Variants in PIWIL2 observed in about 807,000 individuals in gnomAD.
PIWIL2 encodes piwi like RNA-mediated gene silencing 2, also known as piwi-like protein 2.
A neutral mutation model predicts 116.5 loss-of-function variants in PIWIL2; 81 were observed. The observed-to-expected ratio is 0.70, with a 90% CI of 0.58 to 0.84. The LOEUF (loss-of-function observed/expected upper bound fraction) is 0.84, where lower values mean the gene tolerates loss of function less well. Ranked by LOEUF, PIWIL2 falls within the 40% of genes least tolerant of loss-of-function variation. The pLI is 0.00. For missense variants in PIWIL2, 1,272 were observed against 1,212.3 expected (o/e 1.05, Z -0.73); for synonymous variants, 489 against 429.5 (o/e 1.14, Z -1.71).
chr8:22,320,819 C>G (rs1831580813), intron 20 of PIWIL2, among the ~76,000 whole-genome samples: 2 of 151,432 alleles, frequency 1.3e-5, no homozygotes, highest in Admixed American at 6.6e-5. Flanking sequence ...TCTCAAACTC[C>G]TGACCTCAGG....
Position 22,279,574 on chromosome 8 carries a change from C to T in PIWIL2, c.188C>T (p.Pro63Leu), listed in dbSNP as rs1830454270. ...GAGGAACCAAGCACACAGAGGGGGCCAGCACAAAGGGTAAGACCACTTCCG... is the reference window on the plus strand; with the variant it reads ...GAGGAACCAAGCACACAGAGGGGGCTAGCACAAAGGGTAAGACCACTTCCG... ...KPEEPSTQRG[P>L]AQRESVGLVS... The change falls in exon 2 of 23, where the codon CCA (proline) becomes CTA (leucine). Residue 63 changes from proline (P) to leucine (L), a missense_variant. Pro to Leu is a moderately conservative substitution (Grantham distance 98). Transcript: ENST00000356766. The T allele has an allele frequency of 1.9e-6, 3 of 1,613,930 alleles. No individual in the cohort carries two copies. The highest frequency in any genetic ancestry group is 2.2e-5 in the South Asian group (2 of 91,082).
chr8:22,303,967 C>A, intron 10 of PIWIL2, 54 bp from the exon 11 acceptor site: 1 of 1,172,886 alleles, frequency 8.5e-7, no homozygotes, highest in Non-Finnish European at 1.2e-6. Flanking sequence ...CTATCCCTTT[C>A]ATACTGTTCT....
intron 20 of PIWIL2, among the ~76,000 whole-genome samples, chr8:22,348,257 A>G (rs1052881406): frequency 6.6e-6 from 1 of 152,058 alleles, no homozygotes; most frequent in African/African-American, 2.4e-5. Flanking sequence ...CCGAGATCAC[A>G]CCATTGCACT....
chr8:22,329,389 A>AG (rs1376745406), intron 20 of PIWIL2, among the ~76,000 whole-genome samples: 1 of 152,196 alleles, frequency 6.6e-6, no homozygotes, highest in African/African-American at 2.4e-5. Context: ...CTCAGCTGCT[A>AG]GGGAGGCCTC....
At chr8:22,309,630 T>C (rs557341409) in intron 14 of PIWIL2, among the ~76,000 whole-genome samples, 50 of 152,330 alleles carry the variant, frequency 3.3e-4, no homozygotes, top group African/African-American at 1.1e-3. Context: ...TGAGCCACGG[T>C]GCCCGGCCCC....
intron 20 of PIWIL2, among the ~76,000 whole-genome samples, chr8:22,341,006 C>T (rs1439757946): frequency 6.6e-6 from 1 of 152,236 alleles, no homozygotes; most frequent in African/African-American, 2.4e-5. Context: ...AACCACTGCA[C>T]CCTAGCAAAG....
intron 10 of PIWIL2, among the ~76,000 whole-genome samples, chr8:22,299,860 A>G (rs928805476): frequency 2.0e-5 from 3 of 152,090 alleles, no homozygotes; most frequent in African/African-American, 7.2e-5. Context: ...CTGTCACTAG[A>G]GATTTTTCTG....
At chr8:22,297,680 A>G (rs185064290) in intron 10 of PIWIL2, among the ~76,000 whole-genome samples, 3 of 152,312 alleles carry the variant, frequency 2.0e-5, no homozygotes, top group Admixed American at 1.3e-4. Context: ...GAATACAACA[A>G]GGAAAAGTGG....
chr8:22,340,902 A>G (rs953238121), intron 20 of PIWIL2, among the ~76,000 whole-genome samples: 1 of 152,052 alleles, frequency 6.6e-6, no homozygotes, highest in Non-Finnish European at 1.5e-5. Context: ...TTGTAAAGAC[A>G]GGGTCTCACA....
intron 16 of PIWIL2, among the ~76,000 whole-genome samples, chr8:22,312,966 G>C (rs1831368761): frequency 6.6e-6 from 1 of 152,024 alleles, no homozygotes; most frequent in Non-Finnish European, 1.5e-5. Flanking sequence ...ATTCCATCCT[G>C]ATCTACCATG....
chr8:22,320,041 C>T (rs557535025), intron 20 of PIWIL2, among the ~76,000 whole-genome samples: 4 of 152,314 alleles, frequency 2.6e-5, no homozygotes, highest in East Asian at 1.9e-4. Context: ...CGGCTCACTG[C>T]AACCTCTGCC....
intron 1 of PIWIL2, among the ~76,000 whole-genome samples, chr8:22,276,241 T>TTATGCC (rs1444339751): frequency 2.3e-4 from 35 of 152,246 alleles, no homozygotes; most frequent in African/African-American, 8.4e-4. Context: ...CGCTGTGGGT[T>TTATGCC]TATGAATTGT....
In PIWIL2 at chr8:22,306,022, A is replaced by AGT; in HGVS notation, c.1545+7_1545+8dup. Reference sequence around the variant, plus strand: ...AGGACTTCAGAGCCATGAAGGTTGGAGTCCTGTGTTTTCAGCCGGAAATGC... The same window carrying AGT: ...AGGACTTCAGAGCCATGAAGGTTGGAGTGTCCTGTGTTTTCAGCCGGAAATGC... On this transcript the variant is annotated splice_region_variant and intron_variant, in intron 13 of 22. Transcript: ENST00000356766. 1 of 1,606,412 alleles carries AGT rather than the reference A, an allele frequency of 6.2e-7. No individual in the cohort carries two copies. The highest frequency in any genetic ancestry group is 2.2e-5 in the East Asian group (1 of 44,838).
At chr8:22,276,894 C>T (rs1056847548) in intron 1 of PIWIL2, among the ~76,000 whole-genome samples, 1 of 133,948 alleles carries the variant, frequency 7.5e-6, no homozygotes, top group Middle Eastern at 3.7e-3. Flanking sequence ...CAGAACAAGA[C>T]CCTGTCTCTT....
At chr8:22,289,748 C>G in intron 8 of PIWIL2, 99 bp from the exon 9 acceptor site, 1 of 729,580 alleles carries the variant, frequency 1.4e-6, no homozygotes. Flanking sequence ...ACAAACATTT[C>G]TAACCGTTCA....
intron 20 of PIWIL2, among the ~76,000 whole-genome samples, chr8:22,334,472 A>G (rs1379393004): frequency 6.6e-6 from 1 of 151,282 alleles, no homozygotes; most frequent in Non-Finnish European, 1.5e-5. Context: ...CAGTGAGCCA[A>G]GATCTTGCCA....
At position 22,309,973 on chromosome 8, in the gene PIWIL2, G is replaced by A. The variant is rs760241398; in HGVS notation, c.1699G>A (p.Val567Ile). 5.6e-6 allele frequency: 9 copies of A among 1,599,780 alleles called. No homozygotes were observed. Among genetic ancestry groups the A allele is most frequent in the Non-Finnish European group, 7.7e-6 (9 of 1,167,044 alleles). Residue 567 changes from valine to isoleucine, a missense_variant, in exon 15 of 23, where the codon GTT becomes ATT. Physicochemically the swap from Val to Ile is conservative, Grantham distance 29. Coordinates refer to ENST00000356766, the MANE Select transcript of PIWIL2 (RefSeq NM_018068.5). The stretch of plus-strand genomic sequence containing the variant: ...ATTTTCTGTTTAGATTGAAGGACGT[G>A]TTCTGCCAATGGAAAGAATTAACTT... ...QKDVHKIEGR[V>I]LPMERINLKN...
chr8:22,287,633 T>A lies in PIWIL2; in HGVS notation c.849T>A (p.Val283=). The part of the protein sequence containing the change: ...AFDGSILYLP[V]KLQQVLELKS... ...ATGGATCTATTCTCTATCTGCCTGTTAAGCTTCAACAAGTGAGACCAAACA... is the reference window on the plus strand; with the variant it reads ...ATGGATCTATTCTCTATCTGCCTGTAAAGCTTCAACAAGTGAGACCAAACA... The change falls in exon 7 of 23, where the codon GTT becomes GTA. Residue 283 remains valine (V), a synonymous_variant. Transcript: ENST00000356766. 1.3e-6 allele frequency: 2 copies of A among 1,598,918 alleles called. No homozygotes were observed. Among genetic ancestry groups the A allele is most frequent in the Non-Finnish European group, 1.7e-6 (2 of 1,166,028 alleles).
intron 12 of PIWIL2, among the ~76,000 whole-genome samples, chr8:22,305,355 G>T (rs886572386): frequency 3.9e-5 from 6 of 151,922 alleles, no homozygotes; most frequent in Non-Finnish European, 4.4e-5. Flanking sequence ...ACCACCCCCG[G>T]CTAATTTTTT....
Sources: allele counts gnomAD v4.1 joint callset (sites outside exome capture counted in the v4.1 genomes callset), GRCh38; gene constraint gnomAD v4.1.1; transcripts MANE v1.5; gene names NCBI Gene and HGNC (gene_info 2026-07-23, HGNC 2026-07-21).